Variants in NXPE2 observed in about 807,000 individuals in gnomAD.
The protein encoded by NXPE2 is neurexophilin and PC-esterase domain family member 2.
In NXPE2, 34 loss-of-function variants were observed where a neutral mutation model predicts 34.4. The ratio of observed to expected loss-of-function variants is 0.99; its 90% confidence interval spans 0.75 to 1.31. The LOEUF is 1.31. Among genes scored for constraint, NXPE2 ranks in the 40% most tolerant of loss-of-function variants. The pLI, the probability that NXPE2 is intolerant of heterozygous loss-of-function variation, is 0.00. For synonymous variants in NXPE2, 235 were observed against 231.3 expected (o/e 1.02, Z -0.15); for missense variants, 649 against 672.5 (o/e 0.97, Z 0.39).
At chr11:114,737,475 T>C in the NXPE2 span, among the ~76,000 whole-genome samples, 1 of 152,134 alleles carries the variant, frequency 6.6e-6, no homozygotes, top group Non-Finnish European at 1.5e-5. Context: ...AATATTTATT[T>C]ATAAATATAA....
the NXPE2 span, among the ~76,000 whole-genome samples, chr11:114,810,300 A>T: frequency 6.6e-5 from 10 of 151,222 alleles, no homozygotes; most frequent in African/African-American, 2.2e-4. Flanking sequence ...TCATGTCTAG[A>T]ACACCAAAAG....
the NXPE2 span, among the ~76,000 whole-genome samples, chr11:114,471,550 T>A: frequency 1.3e-5 from 2 of 152,174 alleles, no homozygotes; most frequent in African/African-American, 2.4e-5. Context: ...TTGAGCCACA[T>A]AACATAATAA....
chr11:114,591,662 G>A, the NXPE2 span, among the ~76,000 whole-genome samples: 1 of 152,064 alleles, frequency 6.6e-6, no homozygotes, highest in East Asian at 1.9e-4. Context: ...ATGGCAAGCT[G>A]TACTTTCCAG....
the NXPE2 span, among the ~76,000 whole-genome samples, chr11:114,637,915 C>G: frequency 6.6e-6 from 1 of 151,936 alleles, no homozygotes; most frequent in African/African-American, 2.4e-5. Context: ...TTCCTTTCAA[C>G]TTTGGTGAAT....
At chr11:114,522,318 T>C in the NXPE2 span, 2 of 1,614,106 alleles carry the variant, frequency 1.2e-6, no homozygotes, top group South Asian at 2.2e-5. Flanking sequence ...ACGATGGCTG[T>C]GTTTTTGTCA....
chr11:114,654,817 T>C, the NXPE2 span, among the ~76,000 whole-genome samples: 2 of 152,194 alleles, frequency 1.3e-5, no homozygotes, highest in African/African-American at 2.4e-5. Context: ...ATGATTTATT[T>C]TCCTTTGGAT....
the NXPE2 span, among the ~76,000 whole-genome samples, chr11:114,741,716 T>C: frequency 6.6e-6 from 1 of 152,222 alleles, no homozygotes; most frequent in Non-Finnish European, 1.5e-5. Flanking sequence ...TGTGTTGTGT[T>C]TCTAAATTTG....
the NXPE2 span, among the ~76,000 whole-genome samples, chr11:114,643,773 A>AG: frequency 2.6e-5 from 4 of 151,622 alleles, no homozygotes; most frequent in African/African-American, 9.7e-5. Context: ...AACTTAAAGT[A>AG]GTTTTTTTTT....
chr11:114,535,052 AG>A, the NXPE2 span, among the ~76,000 whole-genome samples: 2 of 152,244 alleles, frequency 1.3e-5, no homozygotes, highest in Non-Finnish European at 2.9e-5. Flanking sequence ...TTACCCACAA[AG>A]GGAAGCCCAT....
At chr11:114,763,052 A>T in the NXPE2 span, among the ~76,000 whole-genome samples, 3 of 152,156 alleles carry the variant, frequency 2.0e-5, no homozygotes, top group Admixed American at 1.3e-4. Flanking sequence ...CACTACATTT[A>T]TTCCTCAACT....
At chr11:114,652,172 C>A in the NXPE2 span, among the ~76,000 whole-genome samples, 1 of 152,108 alleles carries the variant, frequency 6.6e-6, no homozygotes, top group African/African-American at 2.4e-5. Context: ...GAGAGATAAG[C>A]AGGGAGAGAA....
chr11:114,715,237 T>C, the NXPE2 span, among the ~76,000 whole-genome samples: 1 of 152,178 alleles, frequency 6.6e-6, no homozygotes, highest in Non-Finnish European at 1.5e-5. Flanking sequence ...TAAAGTTTCA[T>C]CAAAAATAAT....
At chr11:114,635,402 G>A in the NXPE2 span, among the ~76,000 whole-genome samples, 61 of 150,966 alleles carry the variant, frequency 4.0e-4, 2 homozygotes, top group South Asian at 8.4e-4. Context: ...CAATCATGTC[G>A]TCTGCAAACA....
the NXPE2 span, among the ~76,000 whole-genome samples, chr11:114,625,993 G>T: frequency 2.0e-5 from 3 of 152,198 alleles, no homozygotes; most frequent in Non-Finnish European, 4.4e-5. Flanking sequence ...CGCACCAGGA[G>T]ATTATATCCC....
chr11:114,668,880 AG>A, the NXPE2 span, among the ~76,000 whole-genome samples: 1 of 152,106 alleles, frequency 6.6e-6, no homozygotes. Context: ...AAGCAACCAA[AG>A]GTATACAATA....
chr11:114,500,598 GA>G, the NXPE2 span, among the ~76,000 whole-genome samples: 1 of 152,070 alleles, frequency 6.6e-6, no homozygotes, highest in African/African-American at 2.4e-5. Flanking sequence ...TTGAAGAATA[GA>G]AGATCTTAGT....
the NXPE2 span, among the ~76,000 whole-genome samples, chr11:114,470,701 C>A: frequency 1.3e-5 from 2 of 151,864 alleles, no homozygotes; most frequent in Non-Finnish European, 2.9e-5. Flanking sequence ...GTAGGGCACA[C>A]TGGCCACTGG....
the NXPE2 span, among the ~76,000 whole-genome samples, chr11:114,464,861 A>T: frequency 1.3e-5 from 2 of 152,206 alleles, no homozygotes; most frequent in Non-Finnish European, 2.9e-5. Flanking sequence ...AAAAAACGAA[A>T]AAAGAAATCC....
chr11:114,808,179 G>C, the NXPE2 span, among the ~76,000 whole-genome samples: 1 of 152,300 alleles, frequency 6.6e-6, no homozygotes, highest in Admixed American at 6.5e-5. Flanking sequence ...GAATCTCTGG[G>C]ACACATTCAA....
Sources: allele counts gnomAD v4.1 joint callset (sites outside exome capture counted in the v4.1 genomes callset), GRCh38; gene constraint gnomAD v4.1.1; transcripts MANE v1.5; gene names NCBI Gene and HGNC (gene_info 2026-07-23, HGNC 2026-07-21).